Variants in ONECUT3 observed in about 807,000 individuals in gnomAD.
The protein encoded by ONECUT3 is one cut domain family member 3.
A neutral mutation model predicts 16.8 loss-of-function variants in ONECUT3; 11 were observed. The ratio of observed to expected loss-of-function variants is 0.66; its 90% confidence interval spans 0.41 to 1.09. The LOEUF (loss-of-function observed/expected upper bound fraction) is 1.09. Ranked by LOEUF, ONECUT3 falls within the 50% of genes least tolerant of loss-of-function variation. ONECUT3 has a pLI of 0.00. For synonymous variants in ONECUT3, 344 were observed against 310.7 expected (o/e 1.11, Z -1.13); for missense variants, 637 against 629.9 (o/e 1.01, Z -0.12).
chr19:1,760,235 C>T lies in ONECUT3; in HGVS notation c.1192+5381C>T, dbSNP rs548561841. Among the ~76,000 whole-genome samples the T allele has an allele frequency of 5.1e-4, 77 of 152,330 alleles. 1 individual carries two copies. In the South Asian group the frequency reaches 0.014, roughly 27 times the overall value. On this transcript the variant is annotated intron_variant, in intron 1 of 1. Transcript: ENST00000382349. ...GGAGTCAGCTTCCGCTAGGAGGGGC[C>T]GTAACAGGACCAGGGCGTGGCTTTC...
rs187005000 is a variant in ONECUT3 at position 1,759,620 on chromosome 19, C to A, written c.1192+4766C>A. Among the ~76,000 whole-genome samples the A allele has an allele frequency of 3.0e-3, 454 of 152,324 alleles. 6 individuals carry two copies. The highest frequency in any genetic ancestry group is 0.011 in the African/African-American group (438 of 41,570). On this transcript the variant is annotated intron_variant, in intron 1 of 1. Coordinates refer to ENST00000382349, the MANE Select transcript of ONECUT3 (RefSeq NM_001080488.2). This position sits in a 1 kb window ranked among gnomAD's most constrained non-coding sequence, Gnocchi z 4.1. ...TTACGGACACCCCCAGAAAAATATG[C>A]CCCACGCCACTAGACAGTAGAGATA...
Position 1,764,731 on chromosome 19 carries a change from G to T in ONECUT3, c.1192+9877G>T, listed in dbSNP as rs994148820. 4.7e-5 allele frequency among the ~76,000 whole-genome samples: 7 copies of T among 149,094 alleles called. No individual in the cohort carries two copies. The highest frequency in any genetic ancestry group is 1.8e-4 in the African/African-American group (7 of 39,960). On this transcript the variant is annotated intron_variant, in intron 1 of 1. Transcript: ENST00000382349. This position sits in a 1 kb window ranked among gnomAD's most constrained non-coding sequence, Gnocchi z 5.0. ...CAGAGGGTGTAGGTATGTGACCCGG[G>T]CCCCCCACAGTAACTGGACATGTGA...
chr19:1,754,427 G>A lies in ONECUT3; in HGVS notation c.765G>A (p.Ala255=), dbSNP rs2067905610. The part of the protein sequence containing the change: ...FEPHAALLGR[A]EDALARGLPG... ...CGCACGCCGCGCTGCTGGGACGCGCGGAGGACGCACTGGCCCGCGGGCTGC... is the reference window on the plus strand; with the variant it reads ...CGCACGCCGCGCTGCTGGGACGCGCAGAGGACGCACTGGCCCGCGGGCTGC... Residue 255 remains alanine (A), a synonymous_variant, in exon 1 of 2, where the codon GCG becomes GCA. Coordinates refer to ENST00000382349, the MANE Select transcript of ONECUT3 (RefSeq NM_001080488.2). This position sits in a 1 kb window ranked among gnomAD's most constrained non-coding sequence, Gnocchi z 7.4. 4 of 1,045,488 alleles carry A rather than the reference G, an allele frequency of 3.8e-6. No individual in the cohort carries two copies. In the South Asian group the frequency reaches 9.3e-5, roughly 24 times the overall value. 64.8% of individuals were successfully genotyped at this position (1,045,488 alleles called of 1,614,324 possible). A position where few individuals can be genotyped will look rare whatever the true frequency, so the allele number is the denominator to read the frequency against.
In ONECUT3 at chr19:1,758,314, AAAGAG is replaced by A. The variant is rs769404686; in HGVS notation, c.1192+3462_1192+3466del. Among the ~76,000 whole-genome samples, 11,776 of 124,106 alleles carry A rather than the reference AAAGAG, an allele frequency of 0.095. 535 individuals are homozygous for A. The highest frequency in any genetic ancestry group is 0.15 in the South Asian group (555 of 3,720). 81.4% of individuals were successfully genotyped at this position (124,106 alleles called of 152,430 possible). On this transcript the variant is annotated intron_variant, in intron 1 of 1. Transcript: ENST00000382349. The surrounding 1 kb of genome is among the most constrained non-coding windows in gnomAD (Gnocchi z 5.9). Reference sequence around the variant, plus strand: ...GGCAGAGAGACCAAAAAAAAAAAAAAAAGAGAGAGAGAGAGAGAGAGACAGAGATG... The same window carrying A: ...GGCAGAGAGACCAAAAAAAAAAAAAAAGAGAGAGAGAGAGAGACAGAGATG...
In ONECUT3 at chr19:1,770,663, C is replaced by T. The variant is rs146302825; in HGVS notation, c.1193-4490C>T. Reference sequence around the variant, plus strand: ...GGGCCTCCCTTGGAATTTCAAGGCCCCGGTTGAGTTTTGACTCAGCTTTCC... The same window carrying T: ...GGGCCTCCCTTGGAATTTCAAGGCCTCGGTTGAGTTTTGACTCAGCTTTCC... On this transcript the variant is annotated intron_variant, in intron 1 of 1. Transcript: ENST00000382349. Among the ~76,000 whole-genome samples the T allele has an allele frequency of 1.3e-3, 203 of 152,284 alleles. 2 individuals carry two copies. Among genetic ancestry groups the T allele is most frequent in the African/African-American group, 4.5e-3 (185 of 41,550 alleles).
chr19:1,761,920 C>A (rs908301924), intron 1 of ONECUT3, among the ~76,000 whole-genome samples: 1 of 152,194 alleles, frequency 6.6e-6, no homozygotes, highest in Non-Finnish European at 1.5e-5. Flanking sequence ...GACCTCAGAG[C>A]CACAGATTCA....
intron 1 of ONECUT3, among the ~76,000 whole-genome samples, chr19:1,774,721 G>A (rs1038951144): frequency 6.9e-6 from 1 of 145,776 alleles, no homozygotes; most frequent in Admixed American, 7.0e-5. Context: ...GCCTGAGTGG[G>A]CTCCATGGAG....
rs1187102974 is a variant in ONECUT3 at position 1,766,892 on chromosome 19, C to A, written c.1193-8261C>A. On this transcript the variant is annotated intron_variant, in intron 1 of 1. Transcript: ENST00000382349. The surrounding 1 kb of genome is among the most constrained non-coding windows in gnomAD (Gnocchi z 4.0). Reference sequence around the variant, plus strand: ...GCACACTCACTCAGCCACTGCTATACCTCCGCTCTGTGCTGGGCCACAGAA... The same window carrying A: ...GCACACTCACTCAGCCACTGCTATAACTCCGCTCTGTGCTGGGCCACAGAA... Among the ~76,000 whole-genome samples, 1 of 152,090 alleles carries A rather than the reference C, an allele frequency of 6.6e-6. No homozygotes were observed. The highest frequency in any genetic ancestry group is 1.5e-5 in the Non-Finnish European group (1 of 68,016).
chr19:1,765,353 G>C (rs56256348), intron 1 of ONECUT3, among the ~76,000 whole-genome samples: 3,347 of 152,276 alleles, frequency 0.022, 66 homozygotes, highest in Admixed American at 0.051. Context: ...GCCTGGGCCT[G>C]GTCTTCTGGT....
rs2068132927 is a variant in ONECUT3, at chr19:1,778,887, C to CACACACACACACACACAT, written c.*3459_*3460insTACACACACACACACACA. 1 of 150,490 alleles carries CACACACACACACACACAT rather than the reference C, an allele frequency of 6.6e-6. No homozygotes were observed. Among genetic ancestry groups the CACACACACACACACACAT allele is most frequent in the African/African-American group, 2.5e-5 (1 of 40,548 alleles). 9.3% of individuals were successfully genotyped at this position (150,490 alleles called of 1,614,324 possible). A position where few individuals can be genotyped will look rare whatever the true frequency, so the allele number is the denominator to read the frequency against. ...CGTATCACACACACACACACACACA[C>CACACACACACACACACAT]ACACACACACACACACACACACACA... On this transcript the variant is annotated 3_prime_UTR_variant, in exon 2 of 2. Transcript: ENST00000382349.
rs1209799860 is a variant in ONECUT3 at position 1,762,091 on chromosome 19, C to T, written c.1192+7237C>T. Among the ~76,000 whole-genome samples, 2 of 152,212 alleles carry T rather than the reference C, an allele frequency of 1.3e-5. No homozygotes were observed. Among genetic ancestry groups the T allele is most frequent in the Non-Finnish European group, 2.9e-5 (2 of 68,030 alleles). On this transcript the variant is annotated intron_variant, in intron 1 of 1. Coordinates refer to ENST00000382349, the MANE Select transcript of ONECUT3 (RefSeq NM_001080488.2). The surrounding 1 kb of genome is among the most constrained non-coding windows in gnomAD (Gnocchi z 4.4). ...CCCAGGACCCCCATCCGCCCTCTGG[C>T]AGTCTTGAGCCAGCAACTCCCCTAA...
In ONECUT3 at chr19:1,754,327, C is replaced by A. The variant is rs2067904901; in HGVS notation, c.665C>A (p.Pro222His). 2 of 1,061,564 alleles carry A rather than the reference C, an allele frequency of 1.9e-6. No homozygotes were observed. Among genetic ancestry groups the A allele is most frequent in the Non-Finnish European group, 1.1e-6 (1 of 882,860 alleles). 65.8% of individuals were successfully genotyped at this position (1,061,564 alleles called of 1,614,324 possible). Reference sequence around the variant, plus strand: ...CCGCAGCCCCCGCCGCCGCCACCACCCCCGCCGCTGGCCGCCTACGGCCCG... The same window carrying A: ...CCGCAGCCCCCGCCGCCGCCACCACACCCGCCGCTGGCCGCCTACGGCCCG... ...GAPQPPPPPP[P>H]PPLAAYGPPG... The change falls in exon 1 of 2, where the codon CCC (proline) becomes CAC (histidine). Residue 222 changes from proline to histidine, a missense_variant. Physicochemically the swap from Pro to His is moderately conservative, Grantham distance 77. This residue lies in a region of ONECUT3 where 419 missense variants were observed against 377.9 expected (regional missense o/e 1.11). Coordinates refer to ENST00000382349, the MANE Select transcript of ONECUT3 (RefSeq NM_001080488.2). This position sits in a 1 kb window ranked among gnomAD's most constrained non-coding sequence, Gnocchi z 7.4.
rs2068150214 is a variant in ONECUT3 at position 1,780,733 on chromosome 19, C to T, written c.*5288C>T. On this transcript the variant is annotated 3_prime_UTR_variant, in exon 2 of 2. Coordinates refer to ENST00000382349, the MANE Select transcript of ONECUT3 (RefSeq NM_001080488.2). Reference sequence around the variant, plus strand: ...TTAAGCAAAATCAGGCCAGTAGACTCCTGGGGCTCCTCCTCGTGGCCCTGT... The same window carrying T: ...TTAAGCAAAATCAGGCCAGTAGACTTCTGGGGCTCCTCCTCGTGGCCCTGT... 6.6e-6 allele frequency: 1 copy of T among 152,196 alleles called. No homozygotes were observed. The highest frequency in any genetic ancestry group is 1.5e-5 in the Non-Finnish European group (1 of 68,044). The allele number at this position is 152,196 out of a possible 1,614,324, so 9.4% of individuals were successfully genotyped here. A position where few individuals can be genotyped will look rare whatever the true frequency, so the allele number is the denominator to read the frequency against.
At position 1,754,274 on chromosome 19, in the gene ONECUT3, C is replaced by G; in HGVS notation, c.612C>G (p.Asn204Lys). 9.4e-7 allele frequency: 1 copy of G among 1,059,726 alleles called. No homozygotes were observed. Among genetic ancestry groups the G allele is most frequent in the Non-Finnish European group, 1.1e-6 (1 of 881,826 alleles). 65.6% of individuals were successfully genotyped at this position (1,059,726 alleles called of 1,614,324 possible). A position where few individuals can be genotyped will look rare whatever the true frequency, so the allele number is the denominator to read the frequency against. ...GGTCGCCGCTGTCGCCGCTGCCCAACGCGCTGCCGCCCGCGCTGCACGGCG... is the reference window on the plus strand; with the variant it reads ...GGTCGCCGCTGTCGCCGCTGCCCAAGGCGCTGCCGCCCGCGCTGCACGGCG... ...AMGSPLSPLP[N>K]ALPPALHGAP... Residue 204 changes from asparagine to lysine, a missense_variant, in exon 1 of 2, where the codon AAC (asparagine) becomes AAG (lysine). This residue lies in a region of ONECUT3 where 419 missense variants were observed against 377.9 expected (regional missense o/e 1.11). Coordinates refer to ENST00000382349, the MANE Select transcript of ONECUT3 (RefSeq NM_001080488.2). This position sits in a 1 kb window ranked among gnomAD's most constrained non-coding sequence, Gnocchi z 7.4.
intron 1 of ONECUT3, among the ~76,000 whole-genome samples, chr19:1,757,584 C>A (rs568976701): frequency 7.5e-4 from 114 of 152,226 alleles, no homozygotes; most frequent in Admixed American, 6.7e-3. Context: ...CGCGGCCCCG[C>A]GGCCGCGGGG....
At position 1,754,576 on chromosome 19, in the gene ONECUT3, C is replaced by T. The variant is rs1345587265; in HGVS notation, c.914C>T (p.Pro305Leu). 3 of 1,213,302 alleles carry T rather than the reference C, an allele frequency of 2.5e-6. No individual in the cohort carries two copies. The highest frequency in any genetic ancestry group is 7.8e-5 in the Admixed American group (2 of 25,758). 75.2% of individuals were successfully genotyped at this position (1,213,302 alleles called of 1,614,324 possible). A position where few individuals can be genotyped will look rare whatever the true frequency, so the allele number is the denominator to read the frequency against. ...AHGPHGGGGG[P>L]GGSGGGPSAG... The stretch of plus-strand genomic sequence containing the variant: ...GGGCCGCACGGGGGAGGCGGCGGCC[C>T]CGGCGGGAGCGGCGGCGGCCCCAGC... Residue 305 changes from proline (P) to leucine (L), a missense_variant, in exon 1 of 2, where the codon CCC becomes CTC. Coordinates refer to ENST00000382349, the MANE Select transcript of ONECUT3 (RefSeq NM_001080488.2). This position sits in a 1 kb window ranked among gnomAD's most constrained non-coding sequence, Gnocchi z 7.4.
Position 1,764,625 on chromosome 19 carries a change from C to T in ONECUT3, c.1192+9771C>T, listed in dbSNP as rs1323464410. On this transcript the variant is annotated intron_variant, in intron 1 of 1. Coordinates refer to ENST00000382349, the MANE Select transcript of ONECUT3 (RefSeq NM_001080488.2). The surrounding 1 kb of genome is among the most constrained non-coding windows in gnomAD (Gnocchi z 5.0). ...GTCCACGCCTGGGGCATGACTCAGCCCCATCTCCTTGGAGAAGGTTCCACT... is the reference window on the plus strand; with the variant it reads ...GTCCACGCCTGGGGCATGACTCAGCTCCATCTCCTTGGAGAAGGTTCCACT... 1.3e-5 allele frequency among the ~76,000 whole-genome samples: 2 copies of T among 152,032 alleles called. No individual in the cohort carries two copies. The highest frequency in any genetic ancestry group is 2.9e-5 in the Non-Finnish European group (2 of 67,992).
rs10408726 is a variant in ONECUT3 at position 1,775,684 on chromosome 19, C to T, written c.*239C>T. ...TCCAGGCCAAAGGAAGCCCTCCACC[C>T]CCCCCCGGAGGGGAGGGAGTGACAG... is the stretch of plus-strand genomic sequence containing the variant. On this transcript the variant is annotated 3_prime_UTR_variant, in exon 2 of 2. Transcript: ENST00000382349. The T allele has an allele frequency of 5.1e-6, 2 of 392,986 alleles. No individual in the cohort carries two copies. Among genetic ancestry groups the T allele is most frequent in the Non-Finnish European group, 9.0e-6 (2 of 221,456 alleles). 24.3% of individuals were successfully genotyped at this position (392,986 alleles called of 1,614,324 possible). A position where few individuals can be genotyped will look rare whatever the true frequency, so the allele number is the denominator to read the frequency against.
chr19:1,771,124 A>G (rs920719701), intron 1 of ONECUT3, among the ~76,000 whole-genome samples: 5 of 152,134 alleles, frequency 3.3e-5, no homozygotes, highest in African/African-American at 7.2e-5. Context: ...ACGCTCCCCA[A>G]CAAAATTTAA....
Sources: gnomAD v4.1 joint callset for allele counts (sites outside exome capture counted in the v4.1 genomes callset) on GRCh38, gnomAD v4.1.1 for gene constraint, gnomAD v4.1.1 regional missense constraint, Gnocchi (gnomAD v3.1) non-coding constraint, MANE v1.5 for transcripts, NCBI Gene and HGNC (gene_info 2026-07-23, HGNC 2026-07-21) for gene names.